Variants in OVOL2 observed in about 807,000 individuals in gnomAD.
OVOL2 encodes transcription factor Ovo-like 2.
A neutral mutation model predicts 18.1 loss-of-function variants in OVOL2; 13 were observed. That is an observed-to-expected ratio of 0.72 (90% CI 0.47 to 1.14). The LOEUF (loss-of-function observed/expected upper bound fraction) is 1.14, where lower values mean the gene tolerates loss of function less well. Ranked by LOEUF, OVOL2 falls within the 50% of genes most tolerant of loss-of-function variation. The probability of loss-of-function intolerance (pLI) is 0.00; values close to 1 mark genes in which losing one functional copy is unlikely to be tolerated. For missense variants in OVOL2, 335 were observed against 383.0 expected (o/e 0.87, Z 1.05); for synonymous variants, 166 against 162.7 (o/e 1.02, Z -0.16).
At chr20:18,041,084 GTGACA>G (rs2036663409) in intron 3 of OVOL2, among the ~76,000 whole-genome samples, 1 of 152,224 alleles carries the variant, frequency 6.6e-6, no homozygotes, top group South Asian at 2.1e-4. Flanking sequence ...CTGGCCCAAG[GTGACA>G]CAGCTGGCAG....
intron 2 of OVOL2, among the ~76,000 whole-genome samples, chr20:18,049,846 C>T (rs1471036014): frequency 1.3e-5 from 2 of 152,140 alleles, no homozygotes; most frequent in Admixed American, 6.5e-5. Context: ...TTGTTTGTCT[C>T]ATATCATCAT....
intron 2 of OVOL2, among the ~76,000 whole-genome samples, chr20:18,042,399 A>C (rs1344219114): frequency 6.6e-6 from 1 of 152,082 alleles, no homozygotes; most frequent in African/African-American, 2.4e-5. Context: ...ACAGGGGCAG[A>C]TCCCTCATGA....
intron 3 of OVOL2, among the ~76,000 whole-genome samples, chr20:18,028,143 G>A (rs897191745): frequency 1.3e-5 from 2 of 152,014 alleles, no homozygotes; most frequent in African/African-American, 4.8e-5. Flanking sequence ...CAGGGGCTGG[G>A]ACTAGGAAGC....
chr20:18,032,416 A>T (rs575828634), intron 3 of OVOL2, among the ~76,000 whole-genome samples: 13 of 152,094 alleles, frequency 8.5e-5, no homozygotes, highest in African/African-American at 2.7e-4. Context: ...AAGGAAGGAA[A>T]TCTGCAAATG....
chr20:18,024,598 C>A lies in OVOL2; in HGVS notation c.*38G>T. The A allele has an allele frequency of 3.3e-6, 5 of 1,518,764 alleles. No homozygotes were observed. The South Asian group carries it at 5.1e-5, about 16-fold the overall frequency. 94.1% of individuals were successfully genotyped at this position (1,518,764 alleles called of 1,614,324 possible). A position where few individuals can be genotyped will look rare whatever the true frequency, so the allele number is the denominator to read the frequency against. Reference sequence around the variant, plus strand: ...AAAACCAAAAATCCACGTAGACATACGTGGCAGTGTGAACGTCTGTCCTCC... The same window carrying A: ...AAAACCAAAAATCCACGTAGACATAAGTGGCAGTGTGAACGTCTGTCCTCC... On this transcript the variant is annotated 3_prime_UTR_variant, in exon 4 of 4. Coordinates refer to ENST00000278780, the MANE Select transcript of OVOL2 (RefSeq NM_021220.4).
intron 3 of OVOL2, among the ~76,000 whole-genome samples, chr20:18,028,423 T>G (rs2122688651): frequency 6.7e-6 from 1 of 148,810 alleles, no homozygotes; most frequent in Admixed American, 6.7e-5. Context: ...GTGATCCACC[T>G]GCCTTGGCCT....
At chr20:18,039,221 G>A (rs1011880207) in intron 3 of OVOL2, among the ~76,000 whole-genome samples, 1 of 152,198 alleles carries the variant, frequency 6.6e-6, no homozygotes, top group Admixed American at 6.5e-5. Context: ...ACTGCTAGTC[G>A]CATGAGTGTG....
chr20:18,056,558 G>C lies in OVOL2; in HGVS notation c.321+99C>G. 1 of 1,194,042 alleles carries C rather than the reference G, an allele frequency of 8.4e-7. No individual in the cohort carries two copies. Among genetic ancestry groups the C allele is most frequent in the Non-Finnish European group, 1.0e-6 (1 of 962,830 alleles). 74.0% of individuals were successfully genotyped at this position (1,194,042 alleles called of 1,614,324 possible). ...CGGGCGCGCTCGGGGCGCGGGTGCC[G>C]GGTTGCGCAGGCGGGCGCGGCAGGG... On this transcript the variant is annotated intron_variant, in intron 2 of 3. Transcript: ENST00000278780. This position sits in a 1 kb window ranked among gnomAD's most constrained non-coding sequence, Gnocchi z 4.2.
intron 2 of OVOL2, among the ~76,000 whole-genome samples, chr20:18,047,853 C>CAAAAAAAAAAA (rs34668253): frequency 5.7e-4 from 27 of 47,108 alleles, no homozygotes; most frequent in East Asian, 8.3e-4. Context: ...GACTCCGTCT[C>CAAAAAAAAAAA]AAAAAAAAAA....
chr20:18,058,522 T>G (rs1318339701), upstream of OVOL2, among the ~76,000 whole-genome samples: 1 of 149,902 alleles, frequency 6.7e-6, no homozygotes, highest in Admixed American at 6.7e-5. Flanking sequence ...CCAAAGCAGC[T>G]TCTCCTCACA....
At chr20:18,054,806 A>C (rs1183036003) in intron 2 of OVOL2, among the ~76,000 whole-genome samples, 1 of 151,622 alleles carries the variant, frequency 6.6e-6, no homozygotes, top group African/African-American at 2.4e-5. Flanking sequence ...AGAAAAGAAA[A>C]GAAACTAATT....
At chr20:18,052,732 A>C (rs1337238676) in intron 2 of OVOL2, among the ~76,000 whole-genome samples, 2 of 152,208 alleles carry the variant, frequency 1.3e-5, no homozygotes, top group African/African-American at 4.8e-5. Flanking sequence ...CCCATGGGAG[A>C]GGACAAAAAG....
At chr20:18,045,242 C>T (rs2036714676) in intron 2 of OVOL2, among the ~76,000 whole-genome samples, 1 of 152,198 alleles carries the variant, frequency 6.6e-6, no homozygotes, top group African/African-American at 2.4e-5. Flanking sequence ...GTACTTTGAG[C>T]TTCTAAAGAC....
At chr20:18,054,766 C>CAAAAAAA (rs745367889) in intron 2 of OVOL2, among the ~76,000 whole-genome samples, 24 of 63,362 alleles carry the variant, frequency 3.8e-4, no homozygotes, top group Non-Finnish European at 6.2e-4. Flanking sequence ...AACTCCATCT[C>CAAAAAAA]AAAAAAAAAA....
At chr20:18,045,572 TG>T (rs1244114120) in intron 2 of OVOL2, among the ~76,000 whole-genome samples, 1 of 152,186 alleles carries the variant, frequency 6.6e-6, no homozygotes, top group African/African-American at 2.4e-5. Context: ...GGGAGATCAG[TG>T]ACAATTTAAG....
chr20:18,029,313 G>A (rs2036546620), intron 3 of OVOL2, among the ~76,000 whole-genome samples: 1 of 152,116 alleles, frequency 6.6e-6, no homozygotes, highest in South Asian at 2.1e-4. Flanking sequence ...ACAGGCATGA[G>A]CCACCACGCC....
Position 18,024,518 on chromosome 20 carries a change from C to T in OVOL2, c.*118G>A. ...CTACTGCTGATGTTTCAAAAGGACA[C>T]AGAGGTGAACTGGTCACTTCTAATT... On this transcript the variant is annotated 3_prime_UTR_variant, in exon 4 of 4. Transcript: ENST00000278780. 1 of 1,446,280 alleles carries T rather than the reference C, an allele frequency of 6.9e-7. No homozygotes were observed. The allele number at this position is 1,446,280 out of a possible 1,614,324, so 89.6% of individuals were successfully genotyped here.
At chr20:18,036,259 C>T (rs979661227) in intron 3 of OVOL2, among the ~76,000 whole-genome samples, 5 of 152,168 alleles carry the variant, frequency 3.3e-5, no homozygotes, top group African/African-American at 9.7e-5. Flanking sequence ...AGCCATTGCA[C>T]TTCAGCCTCG....
intron 2 of OVOL2, among the ~76,000 whole-genome samples, chr20:18,049,344 AAAC>A (rs1375571619): frequency 4.0e-5 from 6 of 151,762 alleles, no homozygotes; most frequent in Admixed American, 1.3e-4. Flanking sequence ...CTAAAGGTGA[AAAC>A]AACGACAAAA....
Sources: gnomAD v4.1 joint callset for allele counts (sites outside exome capture counted in the v4.1 genomes callset) on GRCh38, gnomAD v4.1.1 for gene constraint, Gnocchi (gnomAD v3.1) non-coding constraint, MANE v1.5 for transcripts, NCBI Gene and HGNC (gene_info 2026-07-23, HGNC 2026-07-21) for gene names.